TGFB3: variants seen among roughly 807,000 people sequenced by gnomAD.
The protein encoded by TGFB3 is transforming growth factor beta 3, also known as transforming growth factor beta-3 proprotein.
A neutral mutation model predicts 40.1 loss-of-function variants in TGFB3; 5 were observed. That is an observed-to-expected ratio of 0.12 (90% CI 0.07 to 0.26). The LOEUF is 0.26. Among genes scored for constraint, TGFB3 ranks in the 10% least tolerant of loss-of-function variants. The probability of loss-of-function intolerance (pLI) is 1.00; values close to 1 mark genes in which losing one functional copy is unlikely to be tolerated. For missense variants in TGFB3, 373 were observed against 530.1 expected (o/e 0.70, Z 2.91); for synonymous variants, 184 against 205.6 (o/e 0.89, Z 0.90).
chr14:75,963,986 C>G (rs766840951), intron 4 of TGFB3, among the ~76,000 whole-genome samples: 8 of 152,188 alleles, frequency 5.3e-5, no homozygotes, highest in Non-Finnish European at 1.2e-4. Flanking sequence ...AAGAGATTCT[C>G]CTGCCTCAGC....
At chr14:75,973,000 A>G (rs768098571) in intron 1 of TGFB3, among the ~76,000 whole-genome samples, 1 of 152,130 alleles carries the variant, frequency 6.6e-6, no homozygotes, top group African/African-American at 2.4e-5. Context: ...TGTCCACAAG[A>G]TGTGGGCAGC....
rs1479357206 is a variant in TGFB3 at position 75,978,225 on chromosome 14, C to A, written c.352+2317G>T. Among the ~76,000 whole-genome samples, 1 of 152,098 alleles carries A rather than the reference C, an allele frequency of 6.6e-6. No individual in the cohort carries two copies. The highest frequency in any genetic ancestry group is 2.4e-5 in the African/African-American group (1 of 41,390). ...CCCAGCAGAGGCTCTGGCATTGAGA[C>A]CCTGCTGTGCCCCACCACAGACCTG... is the stretch of plus-strand genomic sequence containing the variant. On this transcript the variant is annotated intron_variant, in intron 1 of 6. Coordinates refer to ENST00000238682, the MANE Select transcript of TGFB3 (RefSeq NM_003239.5). The surrounding 1 kb of genome is among the most constrained non-coding windows in gnomAD (Gnocchi z 5.0).
Position 75,978,121 on chromosome 14 carries a change from T to C in TGFB3, c.352+2421A>G, listed in dbSNP as rs1195320615. On this transcript the variant is annotated intron_variant, in intron 1 of 6. Transcript: ENST00000238682. The surrounding 1 kb of genome is among the most constrained non-coding windows in gnomAD (Gnocchi z 5.0). ...CTTGCCCTGGCTCCTACTGTCACTT[T>C]CCTTTGAATGCATGTTCACTGGGTC... 6.6e-6 allele frequency among the ~76,000 whole-genome samples: 1 copy of C among 152,122 alleles called. No homozygotes were observed. Among genetic ancestry groups the C allele is most frequent in the Admixed American group, 6.6e-5 (1 of 15,266 alleles).
At chr14:75,964,252 A>G (rs2035195027) in intron 4 of TGFB3, among the ~76,000 whole-genome samples, 1 of 152,178 alleles carries the variant, frequency 6.6e-6, no homozygotes, top group Admixed American at 6.5e-5. Flanking sequence ...GGACCAAGAT[A>G]ACGCAGAAGT....
rs930674659 is a variant in TGFB3 at position 75,979,645 on chromosome 14, C to G, written c.352+897G>C. On this transcript the variant is annotated intron_variant, in intron 1 of 6. Coordinates refer to ENST00000238682, the MANE Select transcript of TGFB3 (RefSeq NM_003239.5). The surrounding 1 kb of genome is among the most constrained non-coding windows in gnomAD (Gnocchi z 4.8). Reference sequence around the variant, plus strand: ...ACAGACATCTCGCCCAGAAGCCGCCCGGCTCCTCCATGCAGACAGAGCCTC... The same window carrying G: ...ACAGACATCTCGCCCAGAAGCCGCCGGGCTCCTCCATGCAGACAGAGCCTC... 6.6e-6 allele frequency among the ~76,000 whole-genome samples: 1 copy of G among 152,084 alleles called. No homozygotes were observed. Among genetic ancestry groups the G allele is most frequent in the Non-Finnish European group, 1.5e-5 (1 of 67,998 alleles).
chr14:75,978,127 G>A lies in TGFB3; in HGVS notation c.352+2415C>T, dbSNP rs1191334047. Among the ~76,000 whole-genome samples the A allele has an allele frequency of 1.3e-5, 2 of 151,932 alleles. No individual in the cohort carries two copies. Among genetic ancestry groups the A allele is most frequent in the Non-Finnish European group, 2.9e-5 (2 of 68,026 alleles). ...CTGGCTCCTACTGTCACTTTCCTTT[G>A]AATGCATGTTCACTGGGTCAGGGAA... On this transcript the variant is annotated intron_variant, in intron 1 of 6. Coordinates refer to ENST00000238682, the MANE Select transcript of TGFB3 (RefSeq NM_003239.5). This position sits in a 1 kb window ranked among gnomAD's most constrained non-coding sequence, Gnocchi z 5.0.
At position 75,958,843 on chromosome 14, in the gene TGFB3, C is replaced by T. The variant is rs773563281; in HGVS notation, c.*344G>A. 2.7e-6 allele frequency: 1 copy of T among 365,738 alleles called. No individual in the cohort carries two copies. Among genetic ancestry groups the T allele is most frequent in the Non-Finnish European group, 5.3e-6 (1 of 188,356 alleles). 22.7% of individuals were successfully genotyped at this position (365,738 alleles called of 1,614,324 possible). ...CCTGACCCAGCCATTCTCTGCCCTTCCTTCTCCCTTTAGGGTAGCCCAAAT... is the reference window on the plus strand; with the variant it reads ...CCTGACCCAGCCATTCTCTGCCCTTTCTTCTCCCTTTAGGGTAGCCCAAAT... On this transcript the variant is annotated 3_prime_UTR_variant, in exon 7 of 7. Coordinates refer to ENST00000238682, the MANE Select transcript of TGFB3 (RefSeq NM_003239.5).
chr14:75,961,169 A>T, intron 5 of TGFB3, 93 bp from the exon 6 acceptor site: 1 of 1,451,742 alleles, frequency 6.9e-7, no homozygotes, highest in South Asian at 1.2e-5. Flanking sequence ...GAGTCCTTTC[A>T]TGCCATCATA....
At chr14:75,965,745 A>AC in intron 3 of TGFB3, 50 bp from the exon 4 acceptor site, 2 of 1,476,496 alleles carry the variant, frequency 1.4e-6, no homozygotes, top group Non-Finnish European at 1.9e-6. Flanking sequence ...TGTGATGGGG[A>AC]AGTGTGCCCA....
upstream of TGFB3, among the ~76,000 whole-genome samples, chr14:75,982,476 TC>T (rs5809742): frequency 9.0e-3 from 1,366 of 152,050 alleles, 19 homozygotes; most frequent in African/African-American, 0.031. This position sits in a 1 kb window ranked among gnomAD's most constrained non-coding sequence, Gnocchi z 4.0. Flanking sequence ...GGTCGGAGGG[TC>T]GGCGTCCGCT....
chr14:75,966,226 G>A (rs958886498), intron 3 of TGFB3: 1 of 177,458 alleles, frequency 5.6e-6, no homozygotes, highest in African/African-American at 2.4e-5. Flanking sequence ...AAAGCCACAG[G>A]ATGTAATGCT....
At position 75,979,705 on chromosome 14, in the gene TGFB3, C is replaced by CA. The variant is rs1208299916; in HGVS notation, c.352+836_352+837insT. On this transcript the variant is annotated intron_variant, in intron 1 of 6. Transcript: ENST00000238682. The surrounding 1 kb of genome is among the most constrained non-coding windows in gnomAD (Gnocchi z 4.8). ...CAGGCTCCCAGACATATCCCCCCCCCCCACCATGCACCCACTGCCACCCCT... is the reference window on the plus strand; with the variant it reads ...CAGGCTCCCAGACATATCCCCCCCCCACCACCATGCACCCACTGCCACCCCT... Among the ~76,000 whole-genome samples the CA allele has an allele frequency of 1.3e-5, 2 of 150,714 alleles. No individual in the cohort carries two copies. Among genetic ancestry groups the CA allele is most frequent in the African/African-American group, 2.4e-5 (1 of 40,876 alleles).
At chr14:75,967,188 C>A (rs1278422013) in intron 3 of TGFB3, among the ~76,000 whole-genome samples, 2 of 152,182 alleles carry the variant, frequency 1.3e-5, no homozygotes, top group African/African-American at 4.8e-5. Context: ...GCTTGGACAT[C>A]CCAGTCCTAC....
At chr14:75,962,495 C>T (rs1239076435) in intron 5 of TGFB3, among the ~76,000 whole-genome samples, 2 of 152,184 alleles carry the variant, frequency 1.3e-5, no homozygotes, top group Non-Finnish European at 2.9e-5. Context: ...ATTTCGGCAT[C>T]CTCTGAGGCC....
chr14:75,965,453 G>A (rs45509792), intron 4 of TGFB3, 135 bp downstream of exon 4: 26 of 754,130 alleles, frequency 3.4e-5, no homozygotes, highest in Non-Finnish European at 5.4e-5. Context: ...AATTACTCAA[G>A]TACAAAATAG....
chr14:75,963,304 GC>G lies in TGFB3; in HGVS notation c.926+11del, dbSNP rs2140238030. On this transcript the variant is annotated intron_variant, in intron 5 of 6. Coordinates refer to ENST00000238682, the MANE Select transcript of TGFB3 (RefSeq NM_003239.5). ...GCAGTAGATGTTGGTTCCCATGTGG[GC>G]CCAGTCTCACCGGAAGCAGTAATTG... The G allele has an allele frequency of 3.7e-6, 6 of 1,613,986 alleles. No homozygotes were observed. The highest frequency in any genetic ancestry group is 5.1e-6 in the Non-Finnish European group (6 of 1,179,948).
Position 75,981,173 on chromosome 14 carries a change from G to C in TGFB3, c.-280C>G. The C allele has an allele frequency of 2.1e-6, 1 of 474,644 alleles. No homozygotes were observed. Among genetic ancestry groups the C allele is most frequent in the African/African-American group, 2.0e-5 (1 of 51,202 alleles). 29.4% of individuals were successfully genotyped at this position (474,644 alleles called of 1,614,324 possible). A position where few individuals can be genotyped will look rare whatever the true frequency, so the allele number is the denominator to read the frequency against. ...TTTGCTGGGCTCTGACTCCCAGCAGGCCAGGTGGAGGGCAAGCAGAGGGCT... is the reference window on the plus strand; with the variant it reads ...TTTGCTGGGCTCTGACTCCCAGCAGCCCAGGTGGAGGGCAAGCAGAGGGCT... On this transcript the variant is annotated 5_prime_UTR_variant, in exon 1 of 7. Transcript: ENST00000238682. The surrounding 1 kb of genome is among the most constrained non-coding windows in gnomAD (Gnocchi z 4.7).
Position 75,981,918 on chromosome 14 carries a change from TTCTCTC to T in TGFB3, c.-1031_-1026del, listed in dbSNP as rs201404268. On this transcript the variant is annotated 5_prime_UTR_variant, in exon 1 of 7. Transcript: ENST00000238682. This position sits in a 1 kb window ranked among gnomAD's most constrained non-coding sequence, Gnocchi z 4.7. ...GACTTGACTCTCTGCTTCCCTCCCT[TTCTCTC>T]TCTCCCTCTCCCTCTCCCTCTCGCT... 6.6e-6 allele frequency among the ~76,000 whole-genome samples: 1 copy of T among 150,820 alleles called. No homozygotes were observed. Among genetic ancestry groups the T allele is most frequent in the African/African-American group, 2.4e-5 (1 of 41,120 alleles).
Position 75,976,130 on chromosome 14 carries a change from G to A in TGFB3, c.352+4412C>T, listed in dbSNP as rs531071299. On this transcript the variant is annotated intron_variant, in intron 1 of 6. Coordinates refer to ENST00000238682, the MANE Select transcript of TGFB3 (RefSeq NM_003239.5). Reference sequence around the variant, plus strand: ...TTAAAATGTGTTCAGACACCTGGGTGGCTAGGTGTGCCTTTGCTTGTATAT... The same window carrying A: ...TTAAAATGTGTTCAGACACCTGGGTAGCTAGGTGTGCCTTTGCTTGTATAT... 5.3e-5 allele frequency among the ~76,000 whole-genome samples: 8 copies of A among 152,348 alleles called. No individual in the cohort carries two copies. The South Asian group carries it at 1.7e-3, about 32-fold the overall frequency.
Sources: gnomAD v4.1 joint callset for allele counts (sites outside exome capture counted in the v4.1 genomes callset) on GRCh38, gnomAD v4.1.1 for gene constraint, Gnocchi (gnomAD v3.1) non-coding constraint, MANE v1.5 for transcripts, NCBI Gene and HGNC (gene_info 2026-07-23, HGNC 2026-07-21) for gene names.